The following ACVR2A variants were observed in gnomAD, a reference collection of about 807,000 sequenced individuals.
The protein encoded by ACVR2A is activin A receptor type 2A, also known as activin receptor type-2A.
A neutral mutation model predicts 61.4 loss-of-function variants in ACVR2A; 7 were observed. The ratio of observed to expected loss-of-function variants is 0.11; its 90% CI spans 0.06 to 0.21. The LOEUF is 0.21. ACVR2A is among the 10% of genes least tolerant of loss of function. The pLI, the probability that ACVR2A is intolerant of heterozygous loss-of-function variation, is 1.00. For synonymous variants in ACVR2A, 193 were observed against 208.3 expected (o/e 0.93, Z 0.63); for missense variants, 322 against 621.7 (o/e 0.52, Z 5.13).
chr2:147,908,046 A>G (rs1051251160), intron 4 of ACVR2A, among the ~76,000 whole-genome samples: 2 of 143,652 alleles, frequency 1.4e-5, no homozygotes, highest in Admixed American at 6.9e-5. Flanking sequence ...TTCAAAAAAA[A>G]AAAAAAAAGA....
At chr2:147,903,694 G>C (rs1268033513) in intron 4 of ACVR2A, among the ~76,000 whole-genome samples, 1 of 151,856 alleles carries the variant, frequency 6.6e-6, no homozygotes, top group Non-Finnish European at 1.5e-5. Context: ...CATTGTATTA[G>C]TTGTAATCCT....
Position 147,860,595 on chromosome 2 carries a change from A to G in ACVR2A, c.55+15388A>G, listed in dbSNP as rs187828848. 9.8e-5 allele frequency among the ~76,000 whole-genome samples: 15 copies of G among 152,294 alleles called. No homozygotes were observed. In the East Asian group the frequency reaches 1.9e-3, roughly 20 times the overall value. ...TTTTTCTTAGTTTCTGGTAAAAACTAATTTATCCCTGATTCTGATCTCTAC... is the reference window on the plus strand; with the variant it reads ...TTTTTCTTAGTTTCTGGTAAAAACTGATTTATCCCTGATTCTGATCTCTAC... On this transcript the variant is annotated intron_variant, in intron 1 of 10. Coordinates refer to ENST00000241416, the MANE Select transcript of ACVR2A (RefSeq NM_001616.5).
chr2:147,866,032 A>G (rs1411717591), intron 1 of ACVR2A, among the ~76,000 whole-genome samples: 2 of 152,170 alleles, frequency 1.3e-5, no homozygotes, highest in East Asian at 1.9e-4. Context: ...GAGACAGCTC[A>G]GTATGGACAA....
At chr2:147,859,097 T>C (rs1224522421) in intron 1 of ACVR2A, among the ~76,000 whole-genome samples, 1 of 152,206 alleles carries the variant, frequency 6.6e-6, no homozygotes, top group East Asian at 1.9e-4. Context: ...GTTAAGTTCC[T>C]AGACTAATCC....
At chr2:147,872,586 G>A (rs1686049863) in intron 1 of ACVR2A, among the ~76,000 whole-genome samples, 1 of 149,776 alleles carries the variant, frequency 6.7e-6, no homozygotes, top group Non-Finnish European at 1.5e-5. Flanking sequence ...AGATGAACAT[G>A]GTAGAAGTCT....
chr2:147,918,953 T>C (rs933779385), intron 7 of ACVR2A, among the ~76,000 whole-genome samples: 11 of 152,080 alleles, frequency 7.2e-5, no homozygotes, highest in Admixed American at 1.3e-4. Flanking sequence ...TTTGAATGTC[T>C]TCCTTGCTTG....
rs532452811 is a variant in ACVR2A at position 147,899,322 on chromosome 2, A to G, written c.264-136A>G. 15 of 593,784 alleles carry G rather than the reference A, an allele frequency of 2.5e-5. No homozygotes were observed. In the Admixed American group the frequency reaches 5.7e-4, roughly 23 times the overall value. The allele number at this position is 593,784 out of a possible 1,614,324, so 36.8% of individuals were successfully genotyped here. On this transcript the variant is annotated intron_variant, in intron 2 of 10. Transcript: ENST00000241416. ...CCAGGAACATTTTTGGTTTTTAAGA[A>G]TTATTAGATATAAATACGAATCTTG... is the stretch of plus-strand genomic sequence containing the variant.
rs1483915666 is a variant in ACVR2A, at chr2:147,899,532, A to G, written c.338A>G (p.Lys113Arg). The change falls in exon 3 of 11, where the codon AAG (lysine) becomes AGG (arginine). Residue 113 changes from lysine (K) to arginine (R), a missense_variant. Coordinates refer to ENST00000241416, the MANE Select transcript of ACVR2A (RefSeq NM_001616.5). The part of the protein sequence containing the change: ...CCCEGNMCNE[K>R]FSYFPEMEVT... ...TGTGAGGGCAATATGTGTAATGAAA[A>G]GTTTTCTTATTTTCCGGAGATGGAA... 1.2e-6 allele frequency: 2 copies of G among 1,613,412 alleles called. No homozygotes were observed. Among genetic ancestry groups the G allele is most frequent in the Non-Finnish European group, 1.7e-6 (2 of 1,179,572 alleles).
chr2:147,882,747 T>C (rs1686337449), intron 1 of ACVR2A, among the ~76,000 whole-genome samples: 1 of 152,176 alleles, frequency 6.6e-6, no homozygotes, highest in Non-Finnish European at 1.5e-5. Flanking sequence ...TTTAGTTAGA[T>C]GGATGGAATC....
intron 1 of ACVR2A, among the ~76,000 whole-genome samples, chr2:147,853,377 G>A (rs1573910957): frequency 6.6e-6 from 1 of 152,074 alleles, no homozygotes; most frequent in Non-Finnish European, 1.5e-5. Context: ...TCAAATTTCA[G>A]TAATTACTCA....
chr2:147,906,918 A>G (rs996822261), intron 4 of ACVR2A, among the ~76,000 whole-genome samples: 1 of 149,586 alleles, frequency 6.7e-6, no homozygotes, highest in South Asian at 2.1e-4. Context: ...GGTATGCTGC[A>G]CCTATCAACC....
rs1459429735 is a variant in ACVR2A at position 147,927,598 on chromosome 2, A to G, written c.*324A>G. ...TGGAGTGTTTGAAAACTGACATCAG[A>G]TTTCTTAATGTCTGTCAGAAGACAC... On this transcript the variant is annotated 3_prime_UTR_variant, in exon 11 of 11. Transcript: ENST00000241416. 1 of 193,562 alleles carries G rather than the reference A, an allele frequency of 5.2e-6. No homozygotes were observed. The highest frequency in any genetic ancestry group is 6.1e-5 in the Admixed American group (1 of 16,410). The allele number at this position is 193,562 out of a possible 1,614,324, so 12.0% of individuals were successfully genotyped here.
intron 1 of ACVR2A, among the ~76,000 whole-genome samples, chr2:147,848,720 A>T (rs1338967640): frequency 7.2e-5 from 11 of 152,106 alleles, no homozygotes; most frequent in African/African-American, 2.4e-4. Flanking sequence ...TGGACTTAAT[A>T]CCTGGGTAAT....
intron 1 of ACVR2A, among the ~76,000 whole-genome samples, chr2:147,862,775 A>G (rs1685760448): frequency 1.3e-5 from 2 of 151,992 alleles, no homozygotes; most frequent in Non-Finnish European, 1.5e-5. Context: ...CTAACAGTCC[A>G]TTGCTAGATC....
intron 1 of ACVR2A, among the ~76,000 whole-genome samples, chr2:147,861,185 A>G (rs7582403): frequency 0.35 from 53,888 of 152,054 alleles, 10,544 homozygotes; most frequent in South Asian, 0.5. Flanking sequence ...ACCAGTGTCA[A>G]GCTCTGAACT....
chr2:147,925,838 C>A, intron 9 of ACVR2A, 193 bp from the exon 10 acceptor site: 1 of 509,302 alleles, frequency 2.0e-6, no homozygotes, highest in East Asian at 3.1e-5. Context: ...AAATTATAGG[C>A]CTTTTCATTT....
At chr2:147,854,860 T>C (rs1000316081) in intron 1 of ACVR2A, among the ~76,000 whole-genome samples, 11 of 152,056 alleles carry the variant, frequency 7.2e-5, no homozygotes, top group African/African-American at 2.4e-4. Flanking sequence ...TTATCACATA[T>C]CACATCTGTT....
At chr2:147,918,367 T>G in intron 6 of ACVR2A, 80 bp from the exon 7 acceptor site, 1 of 1,270,998 alleles carries the variant, frequency 7.9e-7, no homozygotes, top group Non-Finnish European at 1.1e-6. Context: ...TCACAACCTC[T>G]TATAGGTAAA....
intron 1 of ACVR2A, among the ~76,000 whole-genome samples, chr2:147,863,187 C>T (rs948548013): frequency 6.6e-6 from 1 of 152,076 alleles, no homozygotes; most frequent in Non-Finnish European, 1.5e-5. Flanking sequence ...GTTTTTTGAA[C>T]CTGTTCTGCC....
Sources: gnomAD v4.1 joint callset for allele counts (sites outside exome capture counted in the v4.1 genomes callset) on GRCh38, gnomAD v4.1.1 for gene constraint, MANE v1.5 for transcripts, NCBI Gene and HGNC (gene_info 2026-07-23, HGNC 2026-07-21) for gene names.